The following RNGTT variants were observed in gnomAD, a reference collection of about 807,000 sequenced individuals.
RNGTT encodes the protein RNA guanylyltransferase and 5'-phosphatase, also known as mRNA-capping enzyme.
Under a neutral mutation model 79.3 loss-of-function variants are expected in RNGTT, and 33 were observed. The ratio of observed to expected loss-of-function variants is 0.42; its 90% CI spans 0.32 to 0.56. The LOEUF is 0.56. Among genes scored for constraint, RNGTT ranks in the 20% least tolerant of loss-of-function variants. RNGTT has a pLI of 0.17. For missense variants in RNGTT, 497 were observed against 739.1 expected (o/e 0.67, Z 3.80); for synonymous variants, 222 against 235.9 (o/e 0.94, Z 0.54).
intron 14 of RNGTT, among the ~76,000 whole-genome samples, chr6:88,623,184 C>T (rs9451035): frequency 1.1e-3 from 167 of 151,508 alleles, no homozygotes; most frequent in African/African-American, 3.9e-3. Flanking sequence ...TGATTAACAA[C>T]GTGTCCAAAG....
intron 13 of RNGTT, among the ~76,000 whole-genome samples, chr6:88,743,101 A>C (rs570680681): frequency 1.3e-5 from 2 of 152,310 alleles, no homozygotes; most frequent in Admixed American, 6.5e-5. Context: ...AAAAATGCAC[A>C]AAAGGGCAGT....
rs187220726 is a variant in RNGTT, at chr6:88,928,182, G to A, written c.367+803C>T. Among the ~76,000 whole-genome samples the A allele has an allele frequency of 3.6e-3, 548 of 151,942 alleles. 2 individuals are homozygous for A. The highest frequency in any genetic ancestry group is 0.012 in the African/African-American group (509 of 41,418). ...AGCCAAGATCGCAGCACTGCACTCC[G>A]GCCCGGGCGATACAGCAAGACTTTG... is the stretch of plus-strand genomic sequence containing the variant. On this transcript the variant is annotated intron_variant, in intron 4 of 15. Transcript: ENST00000369485.
At chr6:88,891,325 C>G (rs4345371) in intron 7 of RNGTT, among the ~76,000 whole-genome samples, 1 of 152,064 alleles carries the variant, frequency 6.6e-6, no homozygotes, top group African/African-American at 2.4e-5. Flanking sequence ...GAAATGACCA[C>G]AGGCCAAGAC....
intron 2 of RNGTT, among the ~76,000 whole-genome samples, chr6:88,940,841 T>A (rs1784822924): frequency 6.6e-6 from 1 of 152,186 alleles, no homozygotes; most frequent in Non-Finnish European, 1.5e-5. Context: ...CAGTTAACAG[T>A]ACTGTATCAA....
intron 13 of RNGTT, among the ~76,000 whole-genome samples, chr6:88,739,724 A>ATTATTT (rs1461079560): frequency 1.9e-5 from 1 of 52,436 alleles, no homozygotes; most frequent in African/African-American, 6.6e-5. Flanking sequence ...TGTGAAAAAA[A>ATTATTT]TTATATATAT....
intron 14 of RNGTT, among the ~76,000 whole-genome samples, chr6:88,654,496 T>A (rs902578382): frequency 6.6e-5 from 10 of 152,174 alleles, no homozygotes; most frequent in African/African-American, 2.4e-4. Flanking sequence ...TGTGCAAGGC[T>A]CCCCTCTGTT....
At chr6:88,700,714 T>C (rs891926615) in intron 13 of RNGTT, among the ~76,000 whole-genome samples, 1 of 152,158 alleles carries the variant, frequency 6.6e-6, no homozygotes, top group African/African-American at 2.4e-5. Context: ...CCTGAAATCA[T>C]GGAGTAGACA....
At chr6:88,842,918 CA>C (rs1443087783) in intron 11 of RNGTT, among the ~76,000 whole-genome samples, 1 of 151,572 alleles carries the variant, frequency 6.6e-6, no homozygotes, top group Non-Finnish European at 1.5e-5. Context: ...GAAAAAAATA[CA>C]AAAAAATTAG....
chr6:88,914,817 T>C (rs1783946381), intron 4 of RNGTT, among the ~76,000 whole-genome samples: 1 of 152,130 alleles, frequency 6.6e-6, no homozygotes, highest in South Asian at 2.1e-4. Flanking sequence ...CAAAATAAAC[T>C]ATCAACAGAG....
chr6:88,674,207 G>T (rs1172037558), intron 14 of RNGTT, among the ~76,000 whole-genome samples: 1 of 152,152 alleles, frequency 6.6e-6, no homozygotes, highest in East Asian at 1.9e-4. Flanking sequence ...ATTTAAAGAG[G>T]TGCTAATGCT....
At chr6:88,785,767 A>G (rs1268148892) in intron 12 of RNGTT, among the ~76,000 whole-genome samples, 1 of 152,176 alleles carries the variant, frequency 6.6e-6, no homozygotes, top group African/African-American at 2.4e-5. Flanking sequence ...CATTAGGCTA[A>G]TTCCAATTTT....
chr6:88,818,750 CAA>C (rs909698790), intron 11 of RNGTT, among the ~76,000 whole-genome samples: 4 of 152,106 alleles, frequency 2.6e-5, no homozygotes, highest in Non-Finnish European at 4.4e-5. Context: ...CCATAATCAA[CAA>C]GAGAAAAATA....
chr6:88,764,821 A>G (rs1778397025), intron 13 of RNGTT, among the ~76,000 whole-genome samples: 2 of 152,248 alleles, frequency 1.3e-5, no homozygotes, highest in South Asian at 4.1e-4. Flanking sequence ...TTCCTACCAA[A>G]CAGTTTAGGA....
chr6:88,801,480 G>T, intron 12 of RNGTT, 84 bp downstream of exon 12: 1 of 992,248 alleles, frequency 1.0e-6, no homozygotes, highest in Non-Finnish European at 1.5e-6. Context: ...AGGCATACAT[G>T]TGTATGTGTA....
chr6:88,656,365 T>G (rs1562174590), intron 14 of RNGTT, among the ~76,000 whole-genome samples: 2 of 152,194 alleles, frequency 1.3e-5, no homozygotes, highest in Non-Finnish European at 2.9e-5. Flanking sequence ...ATGTTACCAC[T>G]CATTATAAAA....
At chr6:88,881,527 T>C (rs1782693603) in intron 8 of RNGTT, among the ~76,000 whole-genome samples, 2 of 152,174 alleles carry the variant, frequency 1.3e-5, no homozygotes, top group Admixed American at 6.5e-5. Context: ...CACTATCTGA[T>C]AGGAAAAGTC....
chr6:88,853,234 G>A (rs1189129172), intron 9 of RNGTT, among the ~76,000 whole-genome samples: 1 of 152,182 alleles, frequency 6.6e-6, no homozygotes, highest in Non-Finnish European at 1.5e-5. Context: ...TTGGCTGGGC[G>A]CAGTGGCTCA....
chr6:88,807,414 A>T (rs941769567), intron 11 of RNGTT, among the ~76,000 whole-genome samples: 9 of 152,228 alleles, frequency 5.9e-5, no homozygotes, highest in Non-Finnish European at 1.3e-4. Context: ...AAAGAATGTT[A>T]ATCAGTGGGA....
chr6:88,634,304 C>G (rs1307116443), intron 14 of RNGTT, among the ~76,000 whole-genome samples: 2 of 152,092 alleles, frequency 1.3e-5, no homozygotes, highest in African/African-American at 4.8e-5. Flanking sequence ...GTTTCTGCCT[C>G]CCTGTCTGCC....
Sources: allele counts gnomAD v4.1 joint callset (sites outside exome capture counted in the v4.1 genomes callset), GRCh38; gene constraint gnomAD v4.1.1; transcripts MANE v1.5; gene names NCBI Gene and HGNC (gene_info 2026-07-23, HGNC 2026-07-21).